EBF3: variants seen among roughly 807,000 people sequenced by gnomAD.
EBF3 encodes the protein EBF transcription factor 3, also known as transcription factor COE3.
Under a neutral mutation model 77.1 loss-of-function variants are expected in EBF3, and 18 were observed. The ratio of observed to expected loss-of-function variants is 0.23; its 90% CI spans 0.16 to 0.35. EBF3 has a LOEUF of 0.35. Ranked by LOEUF, EBF3 falls within the 10% of genes least tolerant of loss-of-function variation. The pLI is 1.00. For missense variants in EBF3, 558 were observed against 860.0 expected, an observed-to-expected ratio of 0.65 and a Z score of 4.39; for synonymous variants, 350 against 343.5, an observed-to-expected ratio of 1.02 and a Z score of -0.21.
At chr10:129,894,626 C>A (rs1854244671) in intron 6 of EBF3, among the ~76,000 whole-genome samples, 1 of 152,326 alleles carries the variant, frequency 6.6e-6, no homozygotes, top group South Asian at 2.1e-4. Flanking sequence ...CCATTGCTCA[C>A]TGGGGCCCTC....
chr10:129,847,165 C>G (rs188007833), intron 11 of EBF3, among the ~76,000 whole-genome samples: 1 of 152,112 alleles, frequency 6.6e-6, no homozygotes, highest in Non-Finnish European at 1.5e-5. Flanking sequence ...CCCCCGAGAG[C>G]GCAGCTGCTG....
At chr10:129,860,151 C>A (rs1490793253) in intron 10 of EBF3, among the ~76,000 whole-genome samples, 1 of 152,194 alleles carries the variant, frequency 6.6e-6, no homozygotes, top group Non-Finnish European at 1.5e-5. Context: ...CACAGTCCCA[C>A]ACCATCTCCT....
intron 15 of EBF3, among the ~76,000 whole-genome samples, chr10:129,839,615 T>C: frequency 6.6e-6 from 1 of 152,216 alleles, no homozygotes. Context: ...CTGGTGTTGG[T>C]ACACACCTGG....
chr10:129,854,176 A>G (rs1851086967), intron 10 of EBF3, among the ~76,000 whole-genome samples: 1 of 152,054 alleles, frequency 6.6e-6, no homozygotes, highest in South Asian at 2.1e-4. Flanking sequence ...AAATGATGCT[A>G]AGTTCTTCAC....
rs1303708104 is a variant in EBF3 at position 129,836,541 on chromosome 10, T to A, written c.*1402A>T. ...CAAACTTTTTTTTCAAAAGTATTTG[T>A]TCAGATAACTTAAAAATAATATAAA... On this transcript the variant is annotated 3_prime_UTR_variant, in exon 17 of 17. Transcript: ENST00000440978. 1 of 152,446 alleles carries A rather than the reference T, an allele frequency of 6.6e-6. No homozygotes were observed. Among genetic ancestry groups the A allele is most frequent in the Non-Finnish European group, 1.5e-5 (1 of 68,010 alleles). The allele number at this position is 152,446 out of a possible 1,614,324, so 9.4% of individuals were successfully genotyped here.
At position 129,963,732 on chromosome 10, in the gene EBF3, TC is replaced by T; in HGVS notation, c.36del (p.Thr13ArgfsTer3). ...FGIQENIPRG[G>X]TTMKEEPLGS... ...CCCAGCGGCTCCTCCTTCATGGTCG[TC>T]CCCCCGCGCGGAATATTCTCCTGAA... On this transcript the variant is annotated frameshift_variant, in exon 1 of 17. Transcript: ENST00000440978. LOFTEE classifies it high-confidence loss of function. This position sits in a 1 kb window ranked among gnomAD's most constrained non-coding sequence, Gnocchi z 7.1. 1.1e-5 allele frequency: 17 copies of T among 1,533,048 alleles called. No homozygotes were observed. The highest frequency in any genetic ancestry group is 1.8e-4 in the Middle Eastern group (1 of 5,638). The allele number at this position is 1,533,048 out of a possible 1,614,324, so 95.0% of individuals were successfully genotyped here. A position where few individuals can be genotyped will look rare whatever the true frequency, so the allele number is the denominator to read the frequency against.
Position 129,885,905 on chromosome 10 carries a change from C to T in EBF3, c.555-8056G>A, listed in dbSNP as rs1853542692. 3.3e-5 allele frequency among the ~76,000 whole-genome samples: 5 copies of T among 152,198 alleles called. No homozygotes were observed. The South Asian group carries it at 1.0e-3, about 32-fold the overall frequency. ...AACTTAGGGTTTCAAGCCTCTCCCA[C>T]CATACGCGTGTGTGTTTTTAGGGAT... On this transcript the variant is annotated intron_variant, in intron 6 of 16. Coordinates refer to ENST00000440978, the MANE Select transcript of EBF3 (RefSeq NM_001375380.1). This position sits in a 1 kb window ranked among gnomAD's most constrained non-coding sequence, Gnocchi z 4.0.
At chr10:129,894,535 C>A (rs558661752) in intron 6 of EBF3, among the ~76,000 whole-genome samples, 1 of 152,162 alleles carries the variant, frequency 6.6e-6, no homozygotes, top group Non-Finnish European at 1.5e-5. Flanking sequence ...CTCTGGGCCC[C>A]GCCTCTGTGC....
chr10:129,874,895 C>G (rs776882440), intron 7 of EBF3, among the ~76,000 whole-genome samples: 3 of 152,182 alleles, frequency 2.0e-5, no homozygotes, highest in Non-Finnish European at 4.4e-5. Flanking sequence ...AAGGAATCCC[C>G]TGCACCAGCA....
In EBF3 at chr10:129,863,626, C is replaced by T. The variant is rs1589733708; in HGVS notation, c.1039+3515G>A. ...CGGCAGCCTCCGGGGCTGGGGGACACTGATGGGAACCAGACGCCCAGGGGA... is the reference window on the plus strand; with the variant it reads ...CGGCAGCCTCCGGGGCTGGGGGACATTGATGGGAACCAGACGCCCAGGGGA... On this transcript the variant is annotated intron_variant, in intron 10 of 16. Coordinates refer to ENST00000440978, the MANE Select transcript of EBF3 (RefSeq NM_001375380.1). The surrounding 1 kb of genome is among the most constrained non-coding windows in gnomAD (Gnocchi z 4.0). Among the ~76,000 whole-genome samples, 1 of 152,234 alleles carries T rather than the reference C, an allele frequency of 6.6e-6. No individual in the cohort carries two copies. The highest frequency in any genetic ancestry group is 1.5e-5 in the Non-Finnish European group (1 of 68,044).
At chr10:129,867,971 CCG>C in intron 8 of EBF3, 59 bp from the exon 9 acceptor site, 2 of 1,588,492 alleles carry the variant, frequency 1.3e-6, no homozygotes, top group Non-Finnish European at 1.7e-6. Flanking sequence ...CGACGCTGGG[CCG>C]CTCGGCCACC....
rs1849705165 is a variant in EBF3, at chr10:129,837,856, C to T, written c.*87G>A. 2.5e-6 allele frequency: 4 copies of T among 1,579,130 alleles called. No homozygotes were observed. In the East Asian group the frequency reaches 9.0e-5, roughly 35 times the overall value. On this transcript the variant is annotated 3_prime_UTR_variant, in exon 17 of 17. Transcript: ENST00000440978. ...GAAGATACTGTTTCCATCAGCATGT[C>T]TTAATATACTAAACGTGTCCCCTGA... is the stretch of plus-strand genomic sequence containing the variant.
At position 129,867,250 on chromosome 10, in the gene EBF3, G is replaced by A. The variant is rs775462325; in HGVS notation, c.930C>T (p.Ala310=). The A allele has an allele frequency of 3.1e-6, 5 of 1,614,078 alleles. No homozygotes were observed. Among genetic ancestry groups the A allele is most frequent in the Non-Finnish European group, 4.2e-6 (5 of 1,180,010 alleles). The part of the protein sequence containing the change: ...LVWSELITPH[A]IRVQTPPRHI... ...GCCTCGGCGGGGTCTGGACTCGGAT[G>A]GCATGGGGAGTTATCAGCTACAAAA... is the stretch of plus-strand genomic sequence containing the variant. The change falls in exon 10 of 17, where the codon GCC becomes GCT. Residue 310 remains alanine (A), a synonymous_variant. Coordinates refer to ENST00000440978, the MANE Select transcript of EBF3 (RefSeq NM_001375380.1).
intron 6 of EBF3, among the ~76,000 whole-genome samples, chr10:129,911,648 C>A (rs1855532617): frequency 6.6e-6 from 1 of 152,150 alleles, no homozygotes; most frequent in Non-Finnish European, 1.5e-5. Context: ...GGGGCTGCTG[C>A]TGGGCTCACG....
intron 6 of EBF3, among the ~76,000 whole-genome samples, chr10:129,906,148 G>T (rs1855128566): frequency 6.6e-6 from 1 of 152,192 alleles, no homozygotes; most frequent in South Asian, 2.1e-4. Context: ...AGATGCAATC[G>T]ATAGGGAGTG....
intron 6 of EBF3, among the ~76,000 whole-genome samples, chr10:129,902,967 A>T (rs1231817254): frequency 1.3e-5 from 2 of 152,240 alleles, no homozygotes; most frequent in Non-Finnish European, 2.9e-5. Flanking sequence ...GAAGTATTTA[A>T]GATTCACAAG....
At chr10:129,898,935 GCCT>G (rs1181971949) in intron 6 of EBF3, among the ~76,000 whole-genome samples, 2 of 152,224 alleles carry the variant, frequency 1.3e-5, no homozygotes, top group African/African-American at 2.4e-5. Context: ...ATAACGTGCA[GCCT>G]CGAGTAAGGA....
chr10:129,849,130 G>A lies in EBF3; in HGVS notation c.1040-650C>T, dbSNP rs369740471. 9.5e-4 allele frequency among the ~76,000 whole-genome samples: 144 copies of A among 152,268 alleles called. 1 individual carries two copies. In the Middle Eastern group the frequency reaches 0.02, roughly 22 times the overall value. On this transcript the variant is annotated intron_variant, in intron 10 of 16. Coordinates refer to ENST00000440978, the MANE Select transcript of EBF3 (RefSeq NM_001375380.1). ...GAACTGTGCGCGGCCATAAATCAGC[G>A]GCACATGCGCTGTGTACAGTGCATG...
chr10:129,891,291 T>C (rs1854003345), intron 6 of EBF3, among the ~76,000 whole-genome samples: 1 of 152,224 alleles, frequency 6.6e-6, no homozygotes, highest in Non-Finnish European at 1.5e-5. Context: ...TACACCTACA[T>C]GATGGTACAA....
Sources: gnomAD v4.1 joint callset for allele counts (sites outside exome capture counted in the v4.1 genomes callset) on GRCh38, gnomAD v4.1.1 for gene constraint, Gnocchi (gnomAD v3.1) non-coding constraint, MANE v1.5 for transcripts, NCBI Gene and HGNC (gene_info 2026-07-23, HGNC 2026-07-21) for gene names.